Variants in OXR1 observed in about 807,000 individuals in gnomAD.
The protein encoded by OXR1 is oxidation resistance 1, also known as oxidation resistance protein 1.
Under a neutral mutation model 104.6 loss-of-function variants are expected in OXR1, and 41 were observed. The observed-to-expected ratio is 0.39, with a 90% CI of 0.31 to 0.51. The LOEUF (loss-of-function observed/expected upper bound fraction) is 0.51. OXR1 is among the 20% of genes least tolerant of loss of function. OXR1 has a pLI of 0.77. For synonymous variants in OXR1, 348 were observed against 348.4 expected, an observed-to-expected ratio of 1.00 and a Z score of 0.01; for missense variants, 955 against 1,031.9, an observed-to-expected ratio of 0.93 and a Z score of 1.02.
chr8:106,272,008 G>A (rs1167105951), intron 1 of OXR1: 2 of 152,234 alleles, frequency 1.3e-5, no homozygotes, highest in Non-Finnish European at 2.9e-5. Flanking sequence ...GGCTCCAAAA[G>A]GCCAGCGGGG....
At chr8:106,560,964 C>T (rs549037322) in intron 3 of OXR1, among the ~76,000 whole-genome samples, 10 of 152,270 alleles carry the variant, frequency 6.6e-5, no homozygotes, top group Admixed American at 2.0e-4. Flanking sequence ...CCGTGAGGAA[C>T]GGTGCATTCC....
intron 2 of OXR1, among the ~76,000 whole-genome samples, chr8:106,389,436 A>G (rs1167038793): frequency 6.6e-6 from 1 of 152,224 alleles, no homozygotes; most frequent in East Asian, 1.9e-4. Flanking sequence ...ATTAATAAAC[A>G]TGAATACTAT....
At chr8:106,290,743 A>T (rs1812712360) in intron 1 of OXR1, among the ~76,000 whole-genome samples, 5 of 152,180 alleles carry the variant, frequency 3.3e-5, no homozygotes. Flanking sequence ...AACCACAATA[A>T]GATACCACCC....
At chr8:106,410,194 T>C (rs954164217) in intron 2 of OXR1, among the ~76,000 whole-genome samples, 2 of 152,138 alleles carry the variant, frequency 1.3e-5, no homozygotes, top group Non-Finnish European at 2.9e-5. Flanking sequence ...TACACCAAAT[T>C]TTCTGTAGAT....
At chr8:106,523,491 A>G (rs1252688251) in intron 3 of OXR1, among the ~76,000 whole-genome samples, 1 of 152,036 alleles carries the variant, frequency 6.6e-6, no homozygotes, top group African/African-American at 2.4e-5. Flanking sequence ...TTCCATTACT[A>G]TTTTGACTAC....
chr8:106,567,204 G>C (rs541030819), intron 3 of OXR1, among the ~76,000 whole-genome samples: 9 of 152,282 alleles, frequency 5.9e-5, no homozygotes, highest in African/African-American at 2.2e-4. Context: ...AGTGAGGAGA[G>C]AGAAGAGAAG....
chr8:106,464,014 T>C (rs1381793018), intron 2 of OXR1, among the ~76,000 whole-genome samples: 1 of 152,032 alleles, frequency 6.6e-6, no homozygotes, highest in Non-Finnish European at 1.5e-5. Flanking sequence ...TAGGGTCTCA[T>C]CTATTTATCT....
At chr8:106,286,702 T>G (rs7836158) in intron 1 of OXR1, among the ~76,000 whole-genome samples, 6,374 of 152,240 alleles carry the variant, frequency 0.042, 446 homozygotes, top group African/African-American at 0.14. Flanking sequence ...ATAAATGAGC[T>G]GGATGAATCC....
chr8:106,729,771 C>G (rs1398757553), intron 11 of OXR1: 2 of 152,050 alleles, frequency 1.3e-5, no homozygotes, highest in Non-Finnish European at 2.9e-5. Flanking sequence ...GCATAGGGGG[C>G]TTTCCAGTGA....
intron 2 of OXR1, among the ~76,000 whole-genome samples, chr8:106,430,480 C>T (rs924967399): frequency 6.6e-6 from 1 of 152,122 alleles, no homozygotes; most frequent in Non-Finnish European, 1.5e-5. Flanking sequence ...AGAATAAAGA[C>T]TTCATTACCT....
At chr8:106,383,585 GA>G (rs1192891026) in intron 2 of OXR1, among the ~76,000 whole-genome samples, 1 of 152,156 alleles carries the variant, frequency 6.6e-6, no homozygotes, top group Non-Finnish European at 1.5e-5. Context: ...TTACAATACA[GA>G]GGTTAGAAGT....
At chr8:106,585,481 T>TA (rs1818562366) in intron 3 of OXR1, among the ~76,000 whole-genome samples, 1 of 152,188 alleles carries the variant, frequency 6.6e-6, no homozygotes, top group African/African-American at 2.4e-5. Context: ...AGTACTCTTT[T>TA]AAAATTTTAC....
intron 2 of OXR1, among the ~76,000 whole-genome samples, chr8:106,466,335 C>A (rs1411254037): frequency 6.7e-6 from 1 of 150,168 alleles, no homozygotes; most frequent in East Asian, 1.9e-4. Context: ...ATGGATTATA[C>A]CACCCAGAGT....
At chr8:106,717,340 G>A (rs755028545) in intron 11 of OXR1, among the ~76,000 whole-genome samples, 11 of 152,096 alleles carry the variant, frequency 7.2e-5, no homozygotes, top group African/African-American at 1.4e-4. Flanking sequence ...AGAATGTGCC[G>A]TGATGTTTTT....
At chr8:106,487,265 C>A (rs1810729233) in intron 2 of OXR1, among the ~76,000 whole-genome samples, 2 of 151,510 alleles carry the variant, frequency 1.3e-5, no homozygotes, top group Admixed American at 1.3e-4. Context: ...CTCAGGTGAT[C>A]TGCCCGCCTC....
chr8:106,398,462 A>T (rs1205161409), intron 2 of OXR1, among the ~76,000 whole-genome samples: 1 of 152,164 alleles, frequency 6.6e-6, no homozygotes, highest in East Asian at 1.9e-4. Flanking sequence ...AGAACGAGTC[A>T]GTTGCCACAT....
intron 2 of OXR1, among the ~76,000 whole-genome samples, chr8:106,372,840 T>A: frequency 6.6e-6 from 1 of 152,220 alleles, no homozygotes; most frequent in Admixed American, 6.5e-5. Flanking sequence ...TCAATCTGTA[T>A]AAAAGAGATG....
At chr8:106,697,868 G>C (rs147972219) in intron 7 of OXR1, 4 of 1,612,186 alleles carry the variant, frequency 2.5e-6, no homozygotes, top group African/African-American at 2.7e-5. Flanking sequence ...AAGTTCTCGC[G>C]TCCAGGCTGG....
rs1282694384 is a variant in OXR1 at position 106,741,556 on chromosome 8, A to AT, written c.2317-664dup. Among the ~76,000 whole-genome samples the AT allele has an allele frequency of 9.2e-5, 14 of 152,152 alleles. No homozygotes were observed. The East Asian group carries it at 2.5e-3, about 27-fold the overall frequency. On this transcript the variant is annotated intron_variant, in intron 14 of 16. Transcript: ENST00000517566. ...CTTTCAATAAGGAAATATTTTCAAA[A>AT]TTAAGACTATAAAGATAGAATGTCA... is the stretch of plus-strand genomic sequence containing the variant.
Sources: gnomAD v4.1 joint callset for allele counts (sites outside exome capture counted in the v4.1 genomes callset) on GRCh38, gnomAD v4.1.1 for gene constraint, MANE v1.5 for transcripts, NCBI Gene and HGNC (gene_info 2026-07-23, HGNC 2026-07-21) for gene names.